Variants in ADAMTS15 observed in about 807,000 individuals in gnomAD.
ADAMTS15 encodes A disintegrin and metalloproteinase with thrombospondin motifs 15.
Under a neutral mutation model 79.1 loss-of-function variants are expected in ADAMTS15, and 35 were observed. That is an observed-to-expected ratio of 0.44 (90% CI 0.34 to 0.59). The LOEUF is 0.59. Ranked by LOEUF, ADAMTS15 falls within the 20% of genes least tolerant of loss-of-function variation. ADAMTS15 has a pLI of 0.02. For missense variants in ADAMTS15, 1,324 were observed against 1,318.7 expected (o/e 1.00, Z -0.06); for synonymous variants, 616 against 567.3 (o/e 1.09, Z -1.22).
rs1938557740 is a variant in ADAMTS15, at chr11:130,475,255, G to T, written c.*1434G>T. ...CCAAGAATCAATGACTGACCCAGGGGGCCTGGCAGCCACTAGTATGAACTG... is the reference window on the plus strand; with the variant it reads ...CCAAGAATCAATGACTGACCCAGGGTGCCTGGCAGCCACTAGTATGAACTG... On this transcript the variant is annotated 3_prime_UTR_variant, in exon 8 of 8. Coordinates refer to ENST00000299164, the MANE Select transcript of ADAMTS15 (RefSeq NM_139055.4). 1 of 152,254 alleles carries T rather than the reference G, an allele frequency of 6.6e-6. No homozygotes were observed. Among genetic ancestry groups the T allele is most frequent in the Non-Finnish European group, 1.5e-5 (1 of 68,082 alleles). 9.4% of individuals were successfully genotyped at this position (152,254 alleles called of 1,614,324 possible).
Position 130,449,087 on chromosome 11 carries a change from C to T in ADAMTS15, c.114C>T (p.Arg38=), listed in dbSNP as rs1217626602. 2 of 1,581,152 alleles carry T rather than the reference C, an allele frequency of 1.3e-6. No individual in the cohort carries two copies. The highest frequency in any genetic ancestry group is 1.7e-6 in the Non-Finnish European group (2 of 1,159,138). ...GACTGGACCCGGACATTAACGGCCGCCGCTACTACTGGCGGGGTCCCGAGG... is the reference window on the plus strand; with the variant it reads ...GACTGGACCCGGACATTAACGGCCGTCGCTACTACTGGCGGGGTCCCGAGG... The part of the protein sequence containing the change: ...PIRLDPDING[R]RYYWRGPEDS... The change falls in exon 1 of 8, where the codon CGC becomes CGT. Residue 38 remains arginine, a synonymous_variant. Coordinates refer to ENST00000299164, the MANE Select transcript of ADAMTS15 (RefSeq NM_139055.4). The surrounding 1 kb of genome is among the most constrained non-coding windows in gnomAD (Gnocchi z 7.8).
Position 130,473,386 on chromosome 11 carries a change from G to A in ADAMTS15, c.2418G>A (p.Glu806=). The change falls in exon 8 of 8, where the codon GAG becomes GAA. Residue 806 remains glutamate (E), a synonymous_variant. Transcript: ENST00000299164. ...YSFYLPKEPR[E]DKSSHPKDPR... The stretch of plus-strand genomic sequence containing the variant: ...TCTATCTGCCCAAAGAGCCTCGGGA[G>A]GACAAGTCCTCTCATCCCAAGGACC... 1 of 1,612,842 alleles carries A rather than the reference G, an allele frequency of 6.2e-7. No individual in the cohort carries two copies.
In ADAMTS15 at chr11:130,473,715, G is replaced by T; in HGVS notation, c.2747G>T (p.Arg916Leu). 1 of 1,600,404 alleles carries T rather than the reference G, an allele frequency of 6.2e-7. No individual in the cohort carries two copies. The highest frequency in any genetic ancestry group is 8.5e-7 in the Non-Finnish European group (1 of 1,179,890). ...SKSCGRGFQR[R>L]SLKCVGHGGR... ...AGCTGCGGCCGGGGATTTCAGAGGC[G>T]CTCACTCAAGTGTGTGGGCCACGGA... Residue 916 changes from arginine to leucine, a missense_variant, in exon 8 of 8, where the codon CGC (arginine) becomes CTC (leucine). Physicochemically the swap from Arg to Leu is moderately radical, Grantham distance 102 (BLOSUM62 -2). Transcript: ENST00000299164.
chr11:130,475,577 GC>G lies in ADAMTS15; in HGVS notation c.*1758del, dbSNP rs1405378584. 1 of 152,234 alleles carries G rather than the reference GC, an allele frequency of 6.6e-6. No individual in the cohort carries two copies. The highest frequency in any genetic ancestry group is 1.9e-4 in the East Asian group (1 of 5,194). 9.4% of individuals were successfully genotyped at this position (152,234 alleles called of 1,614,324 possible). On this transcript the variant is annotated 3_prime_UTR_variant, in exon 8 of 8. Transcript: ENST00000299164. ...ATAGTCAGAATCCACAAACCAGCCA[GC>G]CAGCCAGCCAAGCCTCTGCGATGAT...
chr11:130,463,245 G>T (rs757548376), intron 4 of ADAMTS15, among the ~76,000 whole-genome samples: 1 of 152,254 alleles, frequency 6.6e-6, no homozygotes, highest in African/African-American at 2.4e-5. Flanking sequence ...ATGAAGCAAA[G>T]CCCTGGGCAA....
intron 1 of ADAMTS15, among the ~76,000 whole-genome samples, chr11:130,452,850 T>G (rs35318726): frequency 0.53 from 80,720 of 151,402 alleles, 22,659 homozygotes; most frequent in African/African-American, 0.72. Flanking sequence ...GCGTGGTGGC[T>G]CACGCCTGTA....
In ADAMTS15 at chr11:130,461,515, C is replaced by T. The variant is rs1938198526; in HGVS notation, c.984C>T (p.Asp328=). ...RQDLCGATTC[D]TLGMADVGTM... ...ACCTGTGTGGAGCCACCACCTGTGACACCCTGGGCATGGCTGATGTGGGTA... is the reference window on the plus strand; with the variant it reads ...ACCTGTGTGGAGCCACCACCTGTGATACCCTGGGCATGGCTGATGTGGGTA... The change falls in exon 2 of 8, where the codon GAC becomes GAT. Residue 328 remains aspartate (D), a synonymous_variant. Coordinates refer to ENST00000299164, the MANE Select transcript of ADAMTS15 (RefSeq NM_139055.4). 1 of 1,614,072 alleles carries T rather than the reference C, an allele frequency of 6.2e-7. No homozygotes were observed. Among genetic ancestry groups the T allele is most frequent in the South Asian group, 1.1e-5 (1 of 91,088 alleles).
At chr11:130,452,099 AGAGTCTCAG>A (rs1432853259) in intron 1 of ADAMTS15, among the ~76,000 whole-genome samples, 1 of 151,748 alleles carries the variant, frequency 6.6e-6, no homozygotes, top group Non-Finnish European at 1.5e-5. Context: ...CTGCATTCTG[AGAGTCTCAG>A]GATCTTCTCA....
rs1157266782 is a variant in ADAMTS15 at position 130,449,279 on chromosome 11, C to G, written c.306C>G (p.Phe102Leu). 3 of 1,612,478 alleles carry G rather than the reference C, an allele frequency of 1.9e-6. No homozygotes were observed. Among genetic ancestry groups the G allele is most frequent in the South Asian group, 2.2e-5 (2 of 91,090 alleles). The part of the protein sequence containing the change: ...TGGSSDLRRC[F>L]YSGDVNAEPD... The stretch of plus-strand genomic sequence containing the variant: ...GCTCTTCAGACCTGCGACGCTGCTT[C>G]TATTCTGGGGACGTGAACGCCGAGC... Residue 102 changes from phenylalanine to leucine, a missense_variant, in exon 1 of 8, where the codon TTC becomes TTG. Phe to Leu is a conservative substitution (Grantham distance 22, BLOSUM62 0). Transcript: ENST00000299164. This position sits in a 1 kb window ranked among gnomAD's most constrained non-coding sequence, Gnocchi z 7.8.
At chr11:130,451,260 T>G (rs908885388) in intron 1 of ADAMTS15, among the ~76,000 whole-genome samples, 1 of 152,184 alleles carries the variant, frequency 6.6e-6, no homozygotes, top group African/African-American at 2.4e-5. Flanking sequence ...CTCCACTGTT[T>G]CCAAATGGTC....
intron 4 of ADAMTS15, among the ~76,000 whole-genome samples, chr11:130,463,614 A>G (rs1417546089): frequency 2.0e-5 from 3 of 152,182 alleles, no homozygotes; most frequent in Non-Finnish European, 4.4e-5. Flanking sequence ...AGCATCCACC[A>G]AGCACATTAT....
intron 4 of ADAMTS15, among the ~76,000 whole-genome samples, chr11:130,465,879 T>C (rs934368563): frequency 3.0e-4 from 45 of 150,242 alleles, no homozygotes; most frequent in African/African-American, 9.5e-4. Context: ...CTTTCTTTTT[T>C]TTTTTTTTTA....
intron 7 of ADAMTS15, among the ~76,000 whole-genome samples, chr11:130,471,795 A>G (rs559187532): frequency 6.6e-6 from 1 of 152,258 alleles, no homozygotes; most frequent in East Asian, 1.9e-4. Context: ...GTATAATACT[A>G]ATATATTTCA....
At chr11:130,452,970 GCTCTGT>G (rs1479889757) in intron 1 of ADAMTS15, among the ~76,000 whole-genome samples, 1 of 130,514 alleles carries the variant, frequency 7.7e-6, no homozygotes, top group Non-Finnish European at 1.6e-5. Flanking sequence ...ACAGAGTGAG[GCTCTGT>G]CTCAAAAAAA....
intron 1 of ADAMTS15, among the ~76,000 whole-genome samples, chr11:130,458,026 C>T (rs769187853): frequency 4.6e-5 from 7 of 152,102 alleles, no homozygotes; most frequent in African/African-American, 1.2e-4. Context: ...ATGGAAAGAA[C>T]AGGTTGCTTC....
chr11:130,469,225 G>A, intron 4 of ADAMTS15, 37 bp from the exon 5 acceptor site: 1 of 1,365,440 alleles, frequency 7.3e-7, no homozygotes, highest in Middle Eastern at 2.2e-4. Flanking sequence ...TGTGGCACCT[G>A]GATCCACCAA....
In ADAMTS15 at chr11:130,449,231, C is replaced by T; in HGVS notation, c.258C>T (p.Val86=). Residue 86 remains valine (V), a synonymous_variant, in exon 1 of 8, where the codon GTC becomes GTT. Coordinates refer to ENST00000299164, the MANE Select transcript of ADAMTS15 (RefSeq NM_139055.4). This position sits in a 1 kb window ranked among gnomAD's most constrained non-coding sequence, Gnocchi z 7.8. Reference sequence around the variant, plus strand: ...CCTTCTCCACTGAGCATCTGGGCGTCCCCCTCCAGGGGCTCACCGGGGGCT... The same window carrying T: ...CCTTCTCCACTGAGCATCTGGGCGTTCCCCTCCAGGGGCTCACCGGGGGCT... ...APAFSTEHLG[V]PLQGLTGGSS... is the part of the protein sequence containing the mutation. 6.2e-7 allele frequency: 1 copy of T among 1,613,940 alleles called. No homozygotes were observed. The highest frequency in any genetic ancestry group is 8.5e-7 in the Non-Finnish European group (1 of 1,180,024).
chr11:130,449,403 G>C lies in ADAMTS15; in HGVS notation c.430G>C (p.Ala144Pro). 1 of 1,598,532 alleles carries C rather than the reference G, an allele frequency of 6.3e-7. No individual in the cohort carries two copies. The highest frequency in any genetic ancestry group is 8.5e-7 in the Non-Finnish European group (1 of 1,177,322). Residue 144 changes from alanine (A) to proline (P), a missense_variant, in exon 1 of 8, where the codon GCG becomes CCG. Transcript: ENST00000299164. This position sits in a 1 kb window ranked among gnomAD's most constrained non-coding sequence, Gnocchi z 7.8. Reference sequence around the variant, plus strand: ...CATTAGCCCGCTGCCCAATGCTAGCGCGCCGGCGGCGCAGCGCAACAGCCA... The same window carrying C: ...CATTAGCCCGCTGCCCAATGCTAGCCCGCCGGCGGCGCAGCGCAACAGCCA... ...YVISPLPNAS[A>P]PAAQRNSQGA...
intron 1 of ADAMTS15, among the ~76,000 whole-genome samples, chr11:130,453,003 G>T (rs1937996183): frequency 6.6e-6 from 1 of 150,464 alleles, no homozygotes. Flanking sequence ...AAAAAATTGC[G>T]GCCTCAGGTC....
Sources: gnomAD v4.1 joint callset for allele counts (sites outside exome capture counted in the v4.1 genomes callset) on GRCh38, gnomAD v4.1.1 for gene constraint, Gnocchi (gnomAD v3.1) non-coding constraint, MANE v1.5 for transcripts, NCBI Gene and HGNC (gene_info 2026-07-23, HGNC 2026-07-21) for gene names.